The following GALNT13 variants were observed in gnomAD, a reference collection of about 807,000 sequenced individuals.
GALNT13 encodes UDP-GalNAc:polypeptide N-acetylgalactosaminyltransferase 13.
A neutral mutation model predicts 64.2 loss-of-function variants in GALNT13; 28 were observed. The ratio of observed to expected loss-of-function variants is 0.44; its 90% CI spans 0.32 to 0.60. The LOEUF is 0.60. Ranked by LOEUF, GALNT13 falls within the 20% of genes least tolerant of loss-of-function variation. GALNT13 has a pLI of 0.05. For synonymous variants in GALNT13, 214 were observed against 224.6 expected (o/e 0.95, Z 0.42); for missense variants, 577 against 669.8 (o/e 0.86, Z 1.53).
At chr2:153,398,029 G>C in the GALNT13 span, among the ~76,000 whole-genome samples, 4 of 151,278 alleles carry the variant, frequency 2.6e-5, no homozygotes, top group Non-Finnish European at 5.9e-5. Context: ...CCACTAATTC[G>C]TCATCTAGCA....
At chr2:153,134,850 T>G in the GALNT13 span, among the ~76,000 whole-genome samples, 1 of 152,148 alleles carries the variant, frequency 6.6e-6, no homozygotes, top group Non-Finnish European at 1.5e-5. Context: ...CAATGACCAG[T>G]TATTATTTAA....
the GALNT13 span, among the ~76,000 whole-genome samples, chr2:153,726,967 A>C: frequency 2.5e-3 from 385 of 151,738 alleles, 2 homozygotes; most frequent in African/African-American, 6.8e-3. Context: ...CAAAAAAAAA[A>C]CCACACATAT....
At chr2:153,406,045 A>G in the GALNT13 span, among the ~76,000 whole-genome samples, 1 of 152,194 alleles carries the variant, frequency 6.6e-6, no homozygotes, top group South Asian at 2.1e-4. Flanking sequence ...GAAAGTTGCT[A>G]AAGACAAACT....
chr2:153,172,683 G>A, the GALNT13 span, among the ~76,000 whole-genome samples: 1 of 152,212 alleles, frequency 6.6e-6, no homozygotes, highest in Admixed American at 6.5e-5. Flanking sequence ...TTAAGGGCTA[G>A]AAGAGTGGCA....
At chr2:153,594,230 A>G in the GALNT13 span, among the ~76,000 whole-genome samples, 1 of 152,120 alleles carries the variant, frequency 6.6e-6, no homozygotes, top group Non-Finnish European at 1.5e-5. Context: ...TTCCCATTAT[A>G]AGCCACAATT....
chr2:154,136,530 A>G (rs900004451), intron 3 of GALNT13, among the ~76,000 whole-genome samples: 2 of 152,154 alleles, frequency 1.3e-5, no homozygotes, highest in Non-Finnish European at 2.9e-5. Flanking sequence ...AAATAATGCA[A>G]TTGATAAATA....
chr2:153,105,047 G>A, the GALNT13 span, among the ~76,000 whole-genome samples: 1 of 79,408 alleles, frequency 1.3e-5, no homozygotes, highest in African/African-American at 5.4e-5. Context: ...CCCCCCACCC[G>A]ACAACAATCC....
the GALNT13 span, among the ~76,000 whole-genome samples, chr2:153,435,089 C>T: frequency 6.6e-6 from 1 of 152,106 alleles, no homozygotes; most frequent in African/African-American, 2.4e-5. Context: ...AATAGGGGAT[C>T]CTTTCCCCAT....
At chr2:154,348,824 G>A (rs768714310) in intron 9 of GALNT13, among the ~76,000 whole-genome samples, 1 of 152,046 alleles carries the variant, frequency 6.6e-6, no homozygotes, top group Non-Finnish European at 1.5e-5. Flanking sequence ...TTATTCAGAG[G>A]TGAGCATTCA....
intron 10 of GALNT13, among the ~76,000 whole-genome samples, chr2:154,396,391 A>G (rs1157029307): frequency 6.6e-6 from 1 of 152,112 alleles, no homozygotes; most frequent in East Asian, 1.9e-4. Flanking sequence ...CTTAAAATTT[A>G]CTGTGTACCC....
chr2:153,662,049 G>A, the GALNT13 span, among the ~76,000 whole-genome samples: 1 of 152,118 alleles, frequency 6.6e-6, no homozygotes, highest in African/African-American at 2.4e-5. Flanking sequence ...CTTTGGGTCT[G>A]TGGCATTCAT....
the GALNT13 span, among the ~76,000 whole-genome samples, chr2:153,728,737 A>T: frequency 6.6e-6 from 1 of 152,048 alleles, no homozygotes; most frequent in Non-Finnish European, 1.5e-5. Context: ...AAAATAGATC[A>T]CTAGTCAGAC....
At chr2:154,286,661 A>T (rs1481940339) in intron 8 of GALNT13, 5 of 272,380 alleles carry the variant, frequency 1.8e-5, no homozygotes, top group African/African-American at 1.1e-4. Flanking sequence ...GGCATGGTGA[A>T]CTCTGCCTTA....
chr2:154,185,667 A>G (rs2105741584), intron 4 of GALNT13, among the ~76,000 whole-genome samples: 1 of 151,958 alleles, frequency 6.6e-6, no homozygotes, highest in South Asian at 2.1e-4. Flanking sequence ...CAGACATTAT[A>G]TTTTTTAGTT....
the GALNT13 span, among the ~76,000 whole-genome samples, chr2:153,259,875 CCTT>C: frequency 2.6e-5 from 4 of 151,992 alleles, no homozygotes; most frequent in African/African-American, 7.3e-5. Context: ...TTGGTCTTCT[CCTT>C]CTTCTTTCTT....
At chr2:153,709,193 T>TTG in the GALNT13 span, among the ~76,000 whole-genome samples, 2 of 151,630 alleles carry the variant, frequency 1.3e-5, no homozygotes, top group African/African-American at 4.8e-5. Flanking sequence ...AAGAAACAAT[T>TTG]TACAAATTGG....
Position 154,399,478 on chromosome 2 carries a change from T to C in GALNT13, c.1296+3348T>C, listed in dbSNP as rs553479716. Among the ~76,000 whole-genome samples the C allele has an allele frequency of 3.3e-5, 5 of 152,246 alleles. No homozygotes were observed. The South Asian group carries it at 1.0e-3, about 32-fold the overall frequency. ...CATATGGAAAAAGAGGCAAATGATATATCCTCACATGGACAAAGGGGCAGG... is the reference window on the plus strand; with the variant it reads ...CATATGGAAAAAGAGGCAAATGATACATCCTCACATGGACAAAGGGGCAGG... On this transcript the variant is annotated intron_variant, in intron 10 of 12. Coordinates refer to ENST00000392825, the MANE Select transcript of GALNT13 (RefSeq NM_052917.4).
At chr2:153,286,717 A>G in the GALNT13 span, among the ~76,000 whole-genome samples, 1 of 152,186 alleles carries the variant, frequency 6.6e-6, no homozygotes, top group Admixed American at 6.5e-5. Flanking sequence ...TATGTCAACT[A>G]AATTGTATAT....
At chr2:153,248,787 G>C in the GALNT13 span, among the ~76,000 whole-genome samples, 3 of 135,068 alleles carry the variant, frequency 2.2e-5, no homozygotes, top group Admixed American at 2.5e-4. Context: ...TTGCGCTCCA[G>C]CCTGGGCGAC....
Sources: allele counts gnomAD v4.1 joint callset (sites outside exome capture counted in the v4.1 genomes callset), GRCh38; gene constraint gnomAD v4.1.1; transcripts MANE v1.5; gene names NCBI Gene and HGNC (gene_info 2026-07-23, HGNC 2026-07-21).